Variants in KDM2B observed in about 807,000 individuals in gnomAD.
The protein encoded by KDM2B is lysine demethylase 2B.
A neutral mutation model predicts 150.0 loss-of-function variants in KDM2B; 26 were observed. The observed-to-expected ratio is 0.17, with a 90% CI of 0.13 to 0.24. The LOEUF (loss-of-function observed/expected upper bound fraction) is 0.24. Among genes scored for constraint, KDM2B ranks in the 10% least tolerant of loss-of-function variants. The probability of loss-of-function intolerance (pLI) is 1.00; values close to 1 mark genes in which losing one functional copy is unlikely to be tolerated. For missense variants in KDM2B, 1,265 were observed against 1,816.9 expected, an observed-to-expected ratio of 0.70 and a Z score of 5.52; for synonymous variants, 734 against 729.5, an observed-to-expected ratio of 1.01 and a Z score of -0.10.
At chr12:121,557,633 C>T (rs150837015) in intron 4 of KDM2B, among the ~76,000 whole-genome samples, 17 of 152,230 alleles carry the variant, frequency 1.1e-4, no homozygotes, top group Middle Eastern at 3.4e-3. Flanking sequence ...CAAGCCAAGG[C>T]GCACTAAGCA....
intron 4 of KDM2B, among the ~76,000 whole-genome samples, chr12:121,558,111 C>T (rs1406713087): frequency 2.6e-5 from 4 of 152,214 alleles, no homozygotes; most frequent in South Asian, 2.1e-4. Flanking sequence ...CTGTGAGTGC[C>T]GTGAGGGCAG....
chr12:121,513,126 T>C lies in KDM2B; in HGVS notation c.1174+150A>G. On this transcript the variant is annotated intron_variant, in intron 10 of 22. Coordinates refer to ENST00000377071, the MANE Select transcript of KDM2B (RefSeq NM_032590.5). This position sits in a 1 kb window ranked among gnomAD's most constrained non-coding sequence, Gnocchi z 5.0. ...ATTCCAGGTGGGAAACTGGCAAGAA[T>C]GGCTTCCCCTGAGGGGTTCCTAGGA... is the stretch of plus-strand genomic sequence containing the variant. 1 of 823,526 alleles carries C rather than the reference T, an allele frequency of 1.2e-6. No individual in the cohort carries two copies. The highest frequency in any genetic ancestry group is 1.8e-6 in the Non-Finnish European group (1 of 542,928). 51.0% of individuals were successfully genotyped at this position (823,526 alleles called of 1,614,324 possible).
At chr12:121,443,293 C>T in intron 17 of KDM2B, 1 of 585,334 alleles carries the variant, frequency 1.7e-6, no homozygotes, top group East Asian at 2.9e-5. Flanking sequence ...GATGTGCAGC[C>T]GCCCATTCAA....
At chr12:121,451,076 A>G (rs111938650) in intron 13 of KDM2B, among the ~76,000 whole-genome samples, 2,011 of 152,056 alleles carry the variant, frequency 0.013, 48 homozygotes, top group African/African-American at 0.046. Flanking sequence ...TTTTTTCAAC[A>G]AAAGTTATAC....
chr12:121,443,197 G>A (rs1875484225), intron 17 of KDM2B, 167 bp from the exon 18 acceptor site: 2 of 653,452 alleles, frequency 3.1e-6, no homozygotes, highest in African/African-American at 1.8e-5. Flanking sequence ...GGCGAGCCCT[G>A]CCTGCAGCTT....
intron 4 of KDM2B, among the ~76,000 whole-genome samples, chr12:121,567,224 A>G (rs1243805491): frequency 6.6e-6 from 1 of 152,218 alleles, no homozygotes; most frequent in African/African-American, 2.4e-5. Flanking sequence ...ACTCACATCC[A>G]GAATATATAA....
rs1555305688 is a variant in KDM2B at position 121,520,576 on chromosome 12, C to T, written c.1047+409G>A. Among the ~76,000 whole-genome samples the T allele has an allele frequency of 2.0e-5, 3 of 152,118 alleles. No individual in the cohort carries two copies. Among genetic ancestry groups the T allele is most frequent in the African/African-American group, 7.2e-5 (3 of 41,420 alleles). ...TCCCTGGGAGAACATATAGCCAAGA[C>T]CTGACCTCAGACCAGGACAGGCCCT... On this transcript the variant is annotated intron_variant, in intron 9 of 22. Coordinates refer to ENST00000377071, the MANE Select transcript of KDM2B (RefSeq NM_032590.5). This position sits in a 1 kb window ranked among gnomAD's most constrained non-coding sequence, Gnocchi z 4.5.
At chr12:121,492,733 G>A (rs1883489947) in intron 12 of KDM2B, among the ~76,000 whole-genome samples, 1 of 151,236 alleles carries the variant, frequency 6.6e-6, no homozygotes, top group African/African-American at 2.4e-5. Context: ...GGAGACTGAG[G>A]CAGGAGAATC....
intron 16 of KDM2B, 35 bp from the exon 17 acceptor site, chr12:121,443,828 G>A (rs765972371): frequency 9.8e-6 from 14 of 1,425,272 alleles, no homozygotes; most frequent in South Asian, 2.5e-5. Context: ...GGAGTGACTC[G>A]CTGGTTTTCC....
Position 121,468,499 on chromosome 12 carries a change from T to G in KDM2B, c.1735-15155A>C, listed in dbSNP as rs539857973. ...AACACTAAATATGCACACCTGTACCTGTTCAGTTTCTCCATCTATACAAGG... is the reference window on the plus strand; with the variant it reads ...AACACTAAATATGCACACCTGTACCGGTTCAGTTTCTCCATCTATACAAGG... On this transcript the variant is annotated intron_variant, in intron 12 of 22. Coordinates refer to ENST00000377071, the MANE Select transcript of KDM2B (RefSeq NM_032590.5). The surrounding 1 kb of genome is among the most constrained non-coding windows in gnomAD (Gnocchi z 4.0). 4 of 152,240 alleles carry G rather than the reference T, an allele frequency of 2.6e-5. No individual in the cohort carries two copies. The highest frequency in any genetic ancestry group is 5.9e-5 in the Non-Finnish European group (4 of 68,040). The allele number at this position is 152,240 out of a possible 1,614,324, so 9.4% of individuals were successfully genotyped here.
chr12:121,423,610 A>C, the KDM2B span: 1 of 1,580,932 alleles, frequency 6.3e-7, no homozygotes, highest in Non-Finnish European at 8.7e-7. This position sits in a 1 kb window ranked among gnomAD's most constrained non-coding sequence, Gnocchi z 4.3. Context: ...GTCACCCCCA[A>C]ACTTGACCCC....
Position 121,430,573 on chromosome 12 carries a change from A to G in KDM2B, c.3830-104T>C. 1 of 758,986 alleles carries G rather than the reference A, an allele frequency of 1.3e-6. No homozygotes were observed. The highest frequency in any genetic ancestry group is 2.3e-6 in the Non-Finnish European group (1 of 426,624). The allele number at this position is 758,986 out of a possible 1,614,324, so 47.0% of individuals were successfully genotyped here. A position where few individuals can be genotyped will look rare whatever the true frequency, so the allele number is the denominator to read the frequency against. On this transcript the variant is annotated intron_variant, in intron 22 of 22. Transcript: ENST00000377071. The surrounding 1 kb of genome is among the most constrained non-coding windows in gnomAD (Gnocchi z 4.4). ...CAGTGGGGACAGGTCAGAGCTCTAC[A>G]TATTCCAGTCCCTGCTGTGCTGCAC...
At chr12:121,502,751 C>G (rs532682386) in intron 11 of KDM2B, among the ~76,000 whole-genome samples, 5 of 131,632 alleles carry the variant, frequency 3.8e-5, no homozygotes, top group Non-Finnish European at 7.9e-5. Flanking sequence ...GCGAGACCCC[C>G]ATCTCTACCA....
At chr12:121,440,509 G>A in intron 21 of KDM2B, 1 of 403,472 alleles carries the variant, frequency 2.5e-6, no homozygotes, top group Non-Finnish European at 4.5e-6. Context: ...CAGAAAAGAA[G>A]TGAGATGCAC....
chr12:121,445,250 C>G (rs782501195), intron 14 of KDM2B, 25 bp downstream of exon 14: 2 of 1,610,268 alleles, frequency 1.2e-6, no homozygotes, highest in African/African-American at 2.7e-5. Flanking sequence ...GCGTCAGCAC[C>G]ACCTGTCCCC....
chr12:121,466,332 C>T (rs551927024), intron 12 of KDM2B, among the ~76,000 whole-genome samples: 2 of 152,342 alleles, frequency 1.3e-5, no homozygotes, highest in South Asian at 2.1e-4. Context: ...GATTATACTT[C>T]GTAAAACCTC....
chr12:121,497,250 G>A (rs1197232374), intron 11 of KDM2B, among the ~76,000 whole-genome samples: 1 of 152,158 alleles, frequency 6.6e-6, no homozygotes, highest in African/African-American at 2.4e-5. Flanking sequence ...TATCCTCAAA[G>A]CCTCACATAA....
intron 19 of KDM2B, 155 bp from the exon 20 acceptor site, chr12:121,441,388 C>T (rs781997336): frequency 6.2e-5 from 40 of 641,828 alleles, no homozygotes; most frequent in South Asian, 3.1e-4. Context: ...CCTGCCCCCA[C>T]GCGGGCACCT....
At chr12:121,580,728 T>C in intron 1 of KDM2B, 58 bp downstream of exon 1, 18 of 1,438,884 alleles carry the variant, frequency 1.3e-5, no homozygotes, top group South Asian at 2.8e-5. Context: ...GTTCCTGCCC[T>C]CATTGCCCAG....
Sources: allele counts gnomAD v4.1 joint callset (sites outside exome capture counted in the v4.1 genomes callset), GRCh38; gene constraint gnomAD v4.1.1; non-coding constraint Gnocchi (gnomAD v3.1); transcripts MANE v1.5; gene names NCBI Gene and HGNC (gene_info 2026-07-23, HGNC 2026-07-21).